USP13: variants seen among roughly 807,000 people sequenced by gnomAD.
The protein encoded by USP13 is ubiquitin carboxyl-terminal hydrolase 13.
A neutral mutation model predicts 107.8 loss-of-function variants in USP13; 68 were observed. That is an observed-to-expected ratio of 0.63 (90% CI 0.52 to 0.77). The LOEUF (loss-of-function observed/expected upper bound fraction) is 0.77, where lower values mean the gene tolerates loss of function less well. USP13 is among the 30% of genes least tolerant of loss of function. USP13 has a pLI of 0.00. For synonymous variants in USP13, 377 were observed against 389.5 expected (o/e 0.97, Z 0.38); for missense variants, 945 against 1,093.3 (o/e 0.86, Z 1.91).
At chr3:179,657,931 T>A (rs1408651226) in intron 1 of USP13, among the ~76,000 whole-genome samples, 1 of 152,074 alleles carries the variant, frequency 6.6e-6, no homozygotes, top group Non-Finnish European at 1.5e-5. Context: ...CATGGAAATC[T>A]CCTCTCATCT....
At chr3:179,655,164 CA>C (rs1175053641) in intron 1 of USP13, among the ~76,000 whole-genome samples, 7 of 152,148 alleles carry the variant, frequency 4.6e-5, no homozygotes, top group Admixed American at 4.6e-4. Context: ...TTTAGGATAG[CA>C]CAACATGGAA....
chr3:179,697,647 A>G (rs1287752800), intron 3 of USP13, among the ~76,000 whole-genome samples: 3 of 152,148 alleles, frequency 2.0e-5, no homozygotes, highest in Non-Finnish European at 2.9e-5. Context: ...TCCCTAGGGT[A>G]TGATTACTCT....
Position 179,784,282 on chromosome 3 carries a change from T to C in USP13, c.*141T>C. ...TCGTTTATTTAAAGAGCACGATCAG[T>C]TGACACCTTCTGAAATAGAACTGAG... On this transcript the variant is annotated 3_prime_UTR_variant, in exon 21 of 21. Coordinates refer to ENST00000263966, the MANE Select transcript of USP13 (RefSeq NM_003940.3). 1.6e-6 allele frequency: 1 copy of C among 617,334 alleles called. No individual in the cohort carries two copies. The allele number at this position is 617,334 out of a possible 1,614,324, so 38.2% of individuals were successfully genotyped here.
At chr3:179,682,424 C>T (rs1173219335) in intron 2 of USP13, among the ~76,000 whole-genome samples, 9 of 152,058 alleles carry the variant, frequency 5.9e-5, no homozygotes, top group South Asian at 4.1e-4. Context: ...CCCTCTCCCT[C>T]GCCAGAAGTA....
chr3:179,658,220 C>CTG (rs1482291676), intron 1 of USP13, among the ~76,000 whole-genome samples: 6 of 152,206 alleles, frequency 3.9e-5, no homozygotes, highest in Non-Finnish European at 1.5e-5. Context: ...TCCCAAAGTG[C>CTG]TGTGATTACA....
chr3:179,706,303 T>C (rs1469207304), intron 4 of USP13, among the ~76,000 whole-genome samples: 1 of 152,174 alleles, frequency 6.6e-6, no homozygotes, highest in African/African-American at 2.4e-5. Flanking sequence ...CCAGAATCAA[T>C]TGGGTAGGGA....
At chr3:179,724,419 C>T (rs1201397805) in intron 8 of USP13, among the ~76,000 whole-genome samples, 1 of 143,144 alleles carries the variant, frequency 7.0e-6, no homozygotes, top group Non-Finnish European at 1.5e-5. Flanking sequence ...GATTGCTCTA[C>T]TGCACTCCAG....
intron 1 of USP13, among the ~76,000 whole-genome samples, chr3:179,676,534 TG>T (rs1429518553): frequency 2.0e-5 from 3 of 152,122 alleles, no homozygotes; most frequent in African/African-American, 7.2e-5. Flanking sequence ...ACAAGGAAAT[TG>T]GGAGACAGTT....
At chr3:179,699,952 G>A (rs1712459750) in intron 3 of USP13, among the ~76,000 whole-genome samples, 1 of 151,852 alleles carries the variant, frequency 6.6e-6, no homozygotes, top group Admixed American at 6.6e-5. Context: ...TGTCTATAGA[G>A]CCTATGTTTC....
In USP13 at chr3:179,709,713, T is replaced by C. The variant is rs141080433; in HGVS notation, c.805+756T>C. Among the ~76,000 whole-genome samples the C allele has an allele frequency of 3.2e-3, 493 of 152,360 alleles. 3 individuals carry two copies. Among genetic ancestry groups the C allele is most frequent in the Middle Eastern group, 0.014 (4 of 294 alleles). The stretch of plus-strand genomic sequence containing the variant: ...GCTATGAGAACCCATCATCTAATCA[T>C]CATTGGAAACATTTGTTAAACACAG... On this transcript the variant is annotated intron_variant, in intron 6 of 20. Transcript: ENST00000263966.
intron 6 of USP13, among the ~76,000 whole-genome samples, chr3:179,709,570 G>A (rs1324719089): frequency 1.3e-5 from 2 of 152,272 alleles, no homozygotes; most frequent in East Asian, 3.9e-4. Context: ...CTCACATGGT[G>A]TGCTTTGAAA....
chr3:179,665,654 C>A (rs1353536241), intron 1 of USP13, among the ~76,000 whole-genome samples: 1 of 151,522 alleles, frequency 6.6e-6, no homozygotes, highest in African/African-American at 2.4e-5. Context: ...GGTGTGATCT[C>A]GGCTCACTGC....
At chr3:179,746,496 A>G (rs368024736) in intron 13 of USP13, among the ~76,000 whole-genome samples, 6 of 151,120 alleles carry the variant, frequency 4.0e-5, no homozygotes, top group African/African-American at 1.5e-4. Context: ...GCAGTGGCAC[A>G]ATCTCTGCTT....
chr3:179,775,502 TC>T (rs1248855525), intron 19 of USP13, among the ~76,000 whole-genome samples: 1 of 152,236 alleles, frequency 6.6e-6, no homozygotes. Flanking sequence ...GCCCGCCAGT[TC>T]CGCGCCACGC....
At chr3:179,699,699 C>CAAAAAAA (rs10646420) in intron 3 of USP13, among the ~76,000 whole-genome samples, 1 of 118,160 alleles carries the variant, frequency 8.5e-6, no homozygotes, top group Non-Finnish European at 1.7e-5. Context: ...CACCCTGCCT[C>CAAAAAAA]AAAAAAAAAA....
chr3:179,659,956 T>G (rs1720408370), intron 1 of USP13, among the ~76,000 whole-genome samples: 1 of 152,064 alleles, frequency 6.6e-6, no homozygotes, highest in Non-Finnish European at 1.5e-5. Context: ...GCAGGGAGAA[T>G]CGCTTGAACC....
At chr3:179,765,994 T>C in intron 19 of USP13, 146 bp downstream of exon 19, 9 of 988,140 alleles carry the variant, frequency 9.1e-6, no homozygotes, top group African/African-American at 1.7e-5. Flanking sequence ...TTTTTTTTCT[T>C]TTTTGAGACA....
rs762804532 is a variant in USP13, at chr3:179,745,166, A to C, written c.1658A>C (p.Asn553Thr). ...CTTCAGGCCTTCTCTGAACCAGAAA[A>C]TGTTGATGATTTCTGGAGCAGTGCC... ...ACLQAFSEPE[N>T]VDDFWSSALQ... Residue 553 changes from asparagine to threonine, a missense_variant, in exon 13 of 21, where the codon AAT (asparagine) becomes ACT (threonine). Physicochemically the swap from Asn to Thr is moderately conservative, Grantham distance 65. Transcript: ENST00000263966. 2 of 1,592,972 alleles carry C rather than the reference A, an allele frequency of 1.3e-6. No homozygotes were observed. Among genetic ancestry groups the C allele is most frequent in the Non-Finnish European group, 1.7e-6 (2 of 1,166,950 alleles).
intron 3 of USP13, among the ~76,000 whole-genome samples, chr3:179,693,938 C>T (rs1712197834): frequency 6.6e-6 from 1 of 152,012 alleles, no homozygotes; most frequent in South Asian, 2.1e-4. Context: ...CTTGGCCTCC[C>T]AAAGTGCTGG....
Sources: gnomAD v4.1 joint callset for allele counts (sites outside exome capture counted in the v4.1 genomes callset) on GRCh38, gnomAD v4.1.1 for gene constraint, MANE v1.5 for transcripts, NCBI Gene and HGNC (gene_info 2026-07-23, HGNC 2026-07-21) for gene names.